GRM1: variants seen among roughly 807,000 people sequenced by gnomAD.
GRM1 encodes the protein glutamate metabotropic receptor 1.
In GRM1, 33 loss-of-function variants were observed where a neutral mutation model predicts 90.9. The ratio of observed to expected loss-of-function variants is 0.36; its 90% CI spans 0.28 to 0.49. The LOEUF (loss-of-function observed/expected upper bound fraction) is 0.49, where lower values mean the gene tolerates loss of function less well. Among genes scored for constraint, GRM1 ranks in the 20% least tolerant of loss-of-function variants. The probability of loss-of-function intolerance (pLI) is 0.99; values close to 1 mark genes in which losing one functional copy is unlikely to be tolerated. For synonymous variants in GRM1, 700 were observed against 613.2 expected (o/e 1.14, Z -2.09); for missense variants, 1,190 against 1,534.3 (o/e 0.78, Z 3.75).
At chr6:146,210,767 A>T (rs546786666) in intron 2 of GRM1, among the ~76,000 whole-genome samples, 1 of 152,312 alleles carries the variant, frequency 6.6e-6, no homozygotes. Context: ...CTGAATTGAT[A>T]GTTCTCCAAA....
intron 1 of GRM1, among the ~76,000 whole-genome samples, chr6:146,121,030 A>T (rs966926047): frequency 2.6e-5 from 4 of 152,106 alleles, no homozygotes; most frequent in South Asian, 2.1e-4. Flanking sequence ...TCCTCCTTGT[A>T]CCTCTGGTAG....
chr6:146,267,991 T>C (rs1781982733), intron 2 of GRM1, among the ~76,000 whole-genome samples: 1 of 152,162 alleles, frequency 6.6e-6, no homozygotes. Flanking sequence ...TTTCTGCCTC[T>C]AGGTCTTTCA....
chr6:146,188,631 A>G (rs1778825798), intron 2 of GRM1, among the ~76,000 whole-genome samples: 1 of 152,248 alleles, frequency 6.6e-6, no homozygotes, highest in Admixed American at 6.5e-5. Context: ...AGATGATTTC[A>G]TAAGCCAAAG....
intron 2 of GRM1, among the ~76,000 whole-genome samples, chr6:146,260,128 T>C (rs1222027533): frequency 2.6e-5 from 4 of 152,144 alleles, no homozygotes; most frequent in African/African-American, 4.8e-5. Context: ...TCATCTGCAT[T>C]AGATATTACT....
intron 2 of GRM1, among the ~76,000 whole-genome samples, chr6:146,224,661 T>C (rs1780179920): frequency 6.6e-6 from 1 of 152,162 alleles, no homozygotes; most frequent in African/African-American, 2.4e-5. Context: ...TAAGCAACTT[T>C]GTATTTTGAG....
chr6:146,325,698 A>C (rs1017528827), intron 3 of GRM1, among the ~76,000 whole-genome samples: 1 of 152,188 alleles, frequency 6.6e-6, no homozygotes, highest in African/African-American at 2.4e-5. Context: ...ATTATTAGGC[A>C]TTATACTTTT....
At chr6:146,254,577 G>A (rs904604616) in intron 2 of GRM1, among the ~76,000 whole-genome samples, 13 of 152,092 alleles carry the variant, frequency 8.5e-5, no homozygotes, top group African/African-American at 3.1e-4. Context: ...ATGCATGTTT[G>A]TATTTCTTTA....
chr6:146,058,584 C>T (rs1470937544), intron 1 of GRM1, among the ~76,000 whole-genome samples: 1 of 152,044 alleles, frequency 6.6e-6, no homozygotes. Flanking sequence ...GTGGCTGTGG[C>T]AATTTCTTAA....
intron 5 of GRM1, among the ~76,000 whole-genome samples, chr6:146,369,699 A>T (rs374855769): frequency 2.6e-5 from 4 of 151,516 alleles, no homozygotes; most frequent in South Asian, 2.1e-4. Context: ...TATAATTTTG[A>T]TTTTTTTTCT....
intron 5 of GRM1, among the ~76,000 whole-genome samples, chr6:146,367,191 T>C (rs1054474891): frequency 3.3e-5 from 5 of 152,158 alleles, no homozygotes; most frequent in Non-Finnish European, 7.4e-5. Flanking sequence ...TTGGAGTCTT[T>C]GTAGAAAATA....
intron 6 of GRM1, among the ~76,000 whole-genome samples, chr6:146,392,035 C>T (rs767515707): frequency 3.9e-5 from 6 of 152,072 alleles, no homozygotes; most frequent in African/African-American, 7.2e-5. Flanking sequence ...TATGATTATC[C>T]TTGGAGAGGC....
At chr6:146,414,410 G>T (rs202242605) in intron 7 of GRM1, among the ~76,000 whole-genome samples, 2 of 75,100 alleles carry the variant, frequency 2.7e-5, no homozygotes, top group Admixed American at 1.2e-4. Context: ...TATTATTTTT[G>T]TTGTTGTTGT....
At chr6:146,294,778 ACTTT>A (rs1273661929) in intron 2 of GRM1, among the ~76,000 whole-genome samples, 1 of 152,162 alleles carries the variant, frequency 6.6e-6, no homozygotes, top group African/African-American at 2.4e-5. Flanking sequence ...AGAGACACTG[ACTTT>A]CTTTATTCCT....
chr6:146,173,069 G>A (rs997756500), intron 2 of GRM1, among the ~76,000 whole-genome samples: 2 of 152,076 alleles, frequency 1.3e-5, no homozygotes, highest in African/African-American at 2.4e-5. Flanking sequence ...CAGGTGTGCT[G>A]CAGTATGCAA....
chr6:146,043,223 A>G (rs1302956589), intron 1 of GRM1, among the ~76,000 whole-genome samples: 2 of 151,978 alleles, frequency 1.3e-5, no homozygotes, highest in African/African-American at 2.4e-5. Flanking sequence ...CTTGAGCCCA[A>G]GAGTTTGAGG....
chr6:146,427,401 G>A (rs1049607448), intron 7 of GRM1, among the ~76,000 whole-genome samples: 3 of 152,072 alleles, frequency 2.0e-5, no homozygotes, highest in Non-Finnish European at 4.4e-5. Flanking sequence ...TTCCTTTACA[G>A]CCCTTCAAAC....
intron 2 of GRM1, among the ~76,000 whole-genome samples, chr6:146,274,045 A>G (rs1010993013): frequency 6.6e-6 from 1 of 152,268 alleles, no homozygotes. Context: ...TTTTTGTATT[A>G]TAGCAAATTT....
intron 2 of GRM1, among the ~76,000 whole-genome samples, chr6:146,193,290 G>A (rs535667792): frequency 6.6e-6 from 1 of 152,160 alleles, no homozygotes; most frequent in Non-Finnish European, 1.5e-5. Context: ...GAAATCATGT[G>A]TCTGGATGAG....
At chr6:146,198,510 G>T (rs1779197016) in intron 2 of GRM1, among the ~76,000 whole-genome samples, 1 of 152,120 alleles carries the variant, frequency 6.6e-6, no homozygotes. Context: ...TAATACAGTG[G>T]TGACTTCAGC....
Sources: gnomAD v4.1 joint callset for allele counts (sites outside exome capture counted in the v4.1 genomes callset) on GRCh38, gnomAD v4.1.1 for gene constraint, MANE v1.5 for transcripts, NCBI Gene and HGNC (gene_info 2026-07-23, HGNC 2026-07-21) for gene names.